CCDC181: variants seen among roughly 807,000 people sequenced by gnomAD.
The protein encoded by CCDC181 is coiled-coil domain containing 181, also known as coiled-coil domain-containing protein 181.
Under a neutral mutation model 58.7 loss-of-function variants are expected in CCDC181, and 35 were observed. The ratio of observed to expected loss-of-function variants is 0.60; its 90% CI spans 0.46 to 0.79. The LOEUF is 0.79. Among genes scored for constraint, CCDC181 ranks in the 30% least tolerant of loss-of-function variants. The pLI, the probability that CCDC181 is intolerant of heterozygous loss-of-function variation, is 0.00. For synonymous variants in CCDC181, 183 were observed against 197.5 expected, an observed-to-expected ratio of 0.93 and a Z score of 0.62; for missense variants, 517 against 583.9, an observed-to-expected ratio of 0.89 and a Z score of 1.18.
intron 4 of CCDC181, among the ~76,000 whole-genome samples, chr1:169,404,681 A>T (rs547389693): frequency 6.6e-6 from 1 of 152,386 alleles, no homozygotes; most frequent in South Asian, 2.1e-4. Flanking sequence ...AGAGCTATTT[A>T]TGAGAAATCC....
chr1:169,418,546 CT>C lies in CCDC181; in HGVS notation c.1215+466del, dbSNP rs1227208961. ...TATACTTTCAACTTTACATATATATCTTTTTTTAGTAAGAATATGAATGATT... is the reference window on the plus strand; with the variant it reads ...TATACTTTCAACTTTACATATATATCTTTTTTAGTAAGAATATGAATGATT... On this transcript the variant is annotated intron_variant, in intron 4 of 5. Transcript: ENST00000367806. Among the ~76,000 whole-genome samples, 10 of 149,710 alleles carry C rather than the reference CT, an allele frequency of 6.7e-5. No homozygotes were observed. The East Asian group carries it at 1.2e-3, about 18-fold the overall frequency.
intron 5 of CCDC181, 58 bp downstream of exon 5, chr1:169,397,179 A>T: frequency 7.0e-7 from 1 of 1,430,908 alleles, no homozygotes; most frequent in Non-Finnish European, 9.3e-7. Context: ...TTGATGATAT[A>T]ACTTTTAAAA....
At chr1:169,430,647 G>C (rs1377764581), upstream of CCDC181, among the ~76,000 whole-genome samples, 1 of 140,754 alleles carries the variant, frequency 7.1e-6, no homozygotes, top group Non-Finnish European at 1.5e-5. Context: ...CCATGTTCTT[G>C]GTATTTTGAA....
chr1:169,403,940 G>GA (rs1260916996), intron 4 of CCDC181, among the ~76,000 whole-genome samples: 1 of 152,030 alleles, frequency 6.6e-6, no homozygotes, highest in Non-Finnish European at 1.5e-5. Context: ...AGAAAAGAGA[G>GA]AAGAATCAAA....
intron 2 of CCDC181, among the ~76,000 whole-genome samples, chr1:169,447,213 A>G (rs1657401471): frequency 6.6e-6 from 1 of 152,124 alleles, no homozygotes; most frequent in African/African-American, 2.4e-5. Flanking sequence ...CCCAGGTTCA[A>G]GAAATTCTCC....
chr1:169,438,196 A>G (rs967582836), intron 2 of CCDC181, among the ~76,000 whole-genome samples: 2 of 105,772 alleles, frequency 1.9e-5, no homozygotes, highest in African/African-American at 6.3e-5. Context: ...TAGCCTCACA[A>G]ATCCTTTTTT....
In CCDC181 at chr1:169,397,361, G is replaced by A. The variant is rs767777136; in HGVS notation, c.1246C>T (p.Arg416Ter). 1.2e-5 allele frequency: 19 copies of A among 1,605,736 alleles called. No individual in the cohort carries two copies. Among genetic ancestry groups the A allele is most frequent in the Non-Finnish European group, 1.6e-5 (19 of 1,175,996 alleles). ...TCGTGCTTTTTTTTAAGCCATAATC[G>A]AAAAGCTTGTTGTGGATCTCTGTTT... ...QENRDPQQAFRLWLKKKHEEQ... is the reference protein window; with the variant it reads ...QENRDPQQAF Residue 416 changes from arginine (R) to a stop codon, truncating the protein, a stop_gained, in exon 5 of 6, where the codon CGA becomes TGA. Coordinates refer to ENST00000367806, the MANE Select transcript of CCDC181 (RefSeq NM_001300969.2). LOFTEE classifies it high-confidence loss of function.
chr1:169,437,265 T>A (rs539884149), intron 2 of CCDC181, among the ~76,000 whole-genome samples: 1 of 152,296 alleles, frequency 6.6e-6, no homozygotes, highest in African/African-American at 2.4e-5. Context: ...CTGCAAAATG[T>A]CTCAGGTACT....
intron 2 of CCDC181, among the ~76,000 whole-genome samples, chr1:169,459,410 G>GC (rs1226468861): frequency 6.6e-6 from 1 of 152,114 alleles, no homozygotes; most frequent in Non-Finnish European, 1.5e-5. Context: ...GAGCACCTTA[G>GC]CCCCGGTCCA....
chr1:169,399,277 G>A (rs994294252), intron 4 of CCDC181, among the ~76,000 whole-genome samples: 9 of 152,214 alleles, frequency 5.9e-5, no homozygotes, highest in Admixed American at 4.6e-4. Context: ...CCAGCCAACA[G>A]AAGAAAATAG....
At chr1:169,435,618 A>T (rs1168433156) in intron 2 of CCDC181, among the ~76,000 whole-genome samples, 1 of 152,196 alleles carries the variant, frequency 6.6e-6, no homozygotes, top group South Asian at 2.1e-4. Flanking sequence ...AGATTAAGTG[A>T]GTTAATCCAT....
upstream of CCDC181, among the ~76,000 whole-genome samples, chr1:169,428,992 T>G (rs1656826072): frequency 6.6e-6 from 1 of 152,202 alleles, no homozygotes; most frequent in Non-Finnish European, 1.5e-5. Flanking sequence ...TGTATCATCT[T>G]TACGCCTTTG....
chr1:169,421,455 T>C lies in CCDC181; in HGVS notation c.976A>G (p.Ile326Val). 1 of 1,614,090 alleles carries C rather than the reference T, an allele frequency of 6.2e-7. No homozygotes were observed. The highest frequency in any genetic ancestry group is 8.5e-7 in the Non-Finnish European group (1 of 1,179,982). The stretch of plus-strand genomic sequence containing the variant: ...CAGTATGTTGAAGTCACTGGTGAGA[T>C]ATGTGCAGACTGTGTCCTGTGATTA... ...KSNHRTQSAH[I>V]SPVTSTYCLS... The change falls in exon 3 of 6, where the codon ATC (isoleucine) becomes GTC (valine). Residue 326 changes from isoleucine (I) to valine (V), a missense_variant. By Grantham distance (29) the Ile-to-Val change is conservative (BLOSUM62 3). Coordinates refer to ENST00000367806, the MANE Select transcript of CCDC181 (RefSeq NM_001300969.2).
intron 3 of CCDC181, among the ~76,000 whole-genome samples, chr1:169,420,615 C>T (rs10489190): frequency 0.084 from 12,799 of 152,106 alleles, 731 homozygotes; most frequent in Admixed American, 0.19. Context: ...TGTAAGGTCA[C>T]TTCTCATGTA....
intron 4 of CCDC181, among the ~76,000 whole-genome samples, chr1:169,402,816 T>C (rs35269183): frequency 0.12 from 18,056 of 152,086 alleles, 1,129 homozygotes; most frequent in Admixed American, 0.14. Context: ...ATATTAACTT[T>C]AGATGTAAAT....
chr1:169,427,029 A>G (rs1294312837), intron 1 of CCDC181, among the ~76,000 whole-genome samples: 1 of 152,126 alleles, frequency 6.6e-6, no homozygotes, highest in African/African-American at 2.4e-5. Flanking sequence ...GAGGGGAAAG[A>G]ATATGACAAA....
chr1:169,459,278 T>C (rs1447273184), intron 2 of CCDC181, among the ~76,000 whole-genome samples: 1 of 152,232 alleles, frequency 6.6e-6, no homozygotes, highest in African/African-American at 2.4e-5. Flanking sequence ...TCCCCTTCTT[T>C]GTGCTTTCCT....
At chr1:169,429,886 A>G (rs541681236), upstream of CCDC181, among the ~76,000 whole-genome samples, 17 of 152,344 alleles carry the variant, frequency 1.1e-4, no homozygotes, top group East Asian at 1.2e-3. Context: ...GCCAACGCCA[A>G]TGTCTAGAAG....
At chr1:169,429,238 G>A (rs747332073), upstream of CCDC181, among the ~76,000 whole-genome samples, 1 of 152,036 alleles carries the variant, frequency 6.6e-6, no homozygotes, top group Non-Finnish European at 1.5e-5. Flanking sequence ...CTTTATTTTT[G>A]TAATTGCGAA....
Sources: gnomAD v4.1 joint callset for allele counts (sites outside exome capture counted in the v4.1 genomes callset) on GRCh38, gnomAD v4.1.1 for gene constraint, MANE v1.5 for transcripts, NCBI Gene and HGNC (gene_info 2026-07-23, HGNC 2026-07-21) for gene names.